CSMD1: variants seen among roughly 807,000 people sequenced by gnomAD.
CSMD1 encodes the protein CUB and sushi domain-containing protein 1.
In CSMD1, 213 loss-of-function variants were observed where a neutral mutation model predicts 417.5. That is an observed-to-expected ratio of 0.51 (90% CI 0.46 to 0.57). The LOEUF (loss-of-function observed/expected upper bound fraction) is 0.57. Ranked by LOEUF, CSMD1 falls within the 20% of genes least tolerant of loss-of-function variation. CSMD1 has a pLI of 0.00. For missense variants in CSMD1, 6,923 were observed against 4,529.7 expected (o/e 1.53, Z -15.17); for synonymous variants, 2,862 against 1,736.8 (o/e 1.65, Z -16.11).
intron 3 of CSMD1, among the ~76,000 whole-genome samples, chr8:4,180,533 T>G (rs527411838): frequency 3.6e-4 from 54 of 151,804 alleles, no homozygotes; most frequent in African/African-American, 1.2e-3. Flanking sequence ...CATATGTAAC[T>G]AACCTGCACA....
At chr8:4,066,232 CTTCT>C (rs777695705) in intron 3 of CSMD1, among the ~76,000 whole-genome samples, 2 of 152,216 alleles carry the variant, frequency 1.3e-5, no homozygotes, top group African/African-American at 4.8e-5. Context: ...CGCCTCCTTC[CTTCT>C]TTGTCTCCTG....
intron 23 of CSMD1, among the ~76,000 whole-genome samples, chr8:3,327,543 A>G (rs528140071): frequency 2.0e-5 from 3 of 152,314 alleles, no homozygotes; most frequent in South Asian, 2.1e-4. Context: ...TCTGTTAGAA[A>G]TCAACTTTTC....
Position 3,096,843 on chromosome 8 carries a change from A to C in CSMD1, c.7138+6T>G. The stretch of plus-strand genomic sequence containing the variant: ...TCACTGCTCTACAAAGATTAAAGAA[A>C]CTTACCATCAAACACTTCCAGTGCA... On this transcript the variant is annotated splice_donor_region_variant and intron_variant, in intron 47 of 69. Transcript: ENST00000635120. 2 of 1,538,434 alleles carry C rather than the reference A, an allele frequency of 1.3e-6. No homozygotes were observed. The highest frequency in any genetic ancestry group is 8.8e-7 in the Non-Finnish European group (1 of 1,138,218).
intron 3 of CSMD1, among the ~76,000 whole-genome samples, chr8:4,157,280 G>C (rs762113509): frequency 9.2e-5 from 14 of 152,180 alleles, no homozygotes; most frequent in Admixed American, 7.2e-4. Flanking sequence ...GACTAGTTTA[G>C]TGATGCAATT....
chr8:3,969,290 T>C (rs1812912421), intron 5 of CSMD1, among the ~76,000 whole-genome samples: 1 of 152,140 alleles, frequency 6.6e-6, no homozygotes, highest in Non-Finnish European at 1.5e-5. Context: ...CTGCAAAAGA[T>C]GAGGCTGGGT....
intron 2 of CSMD1, among the ~76,000 whole-genome samples, chr8:4,584,113 G>A (rs1799581591): frequency 6.6e-6 from 1 of 151,930 alleles, no homozygotes; most frequent in Non-Finnish European, 1.5e-5. Context: ...AAGAAACTCT[G>A]AACACATCCG....
intron 10 of CSMD1, among the ~76,000 whole-genome samples, chr8:3,512,368 A>T (rs1457771710): frequency 6.6e-6 from 1 of 152,160 alleles, no homozygotes; most frequent in East Asian, 1.9e-4. Flanking sequence ...TCAGCTCAGA[A>T]ATTCAAGATT....
At chr8:4,041,639 A>C (rs932054419) in intron 3 of CSMD1, among the ~76,000 whole-genome samples, 6 of 152,202 alleles carry the variant, frequency 3.9e-5, no homozygotes, top group African/African-American at 1.4e-4. Context: ...TATCCATAAG[A>C]AGAAGAAAAC....
intron 5 of CSMD1, among the ~76,000 whole-genome samples, chr8:3,763,555 C>G (rs1798121403): frequency 6.6e-6 from 1 of 152,158 alleles, no homozygotes; most frequent in South Asian, 2.1e-4. Context: ...TACCAGAAGC[C>G]AAGCAGGTGC....
chr8:4,325,439 G>A (rs1217325211), intron 3 of CSMD1, among the ~76,000 whole-genome samples: 1 of 152,116 alleles, frequency 6.6e-6, no homozygotes, highest in Non-Finnish European at 1.5e-5. Flanking sequence ...GGCAATACAT[G>A]GTATTTACTT....
chr8:4,743,033 T>C (rs1181393135), intron 1 of CSMD1, among the ~76,000 whole-genome samples: 1 of 152,240 alleles, frequency 6.6e-6, no homozygotes, highest in Non-Finnish European at 1.5e-5. Context: ...AGCTATTTTC[T>C]AAGTGTTTTT....
intron 26 of CSMD1, among the ~76,000 whole-genome samples, chr8:3,248,863 C>T (rs886597935): frequency 5.3e-5 from 8 of 152,026 alleles, no homozygotes; most frequent in Non-Finnish European, 1.2e-4. Context: ...ACCACATTTT[C>T]AAGACTGAGG....
At chr8:4,807,822 T>G (rs1779270602) in intron 1 of CSMD1, among the ~76,000 whole-genome samples, 2 of 152,146 alleles carry the variant, frequency 1.3e-5, no homozygotes, top group Non-Finnish European at 2.9e-5. Flanking sequence ...AGCCATAATA[T>G]TAATAATAAT....
At chr8:4,679,430 C>G (rs1805901042) in intron 1 of CSMD1, among the ~76,000 whole-genome samples, 1 of 152,114 alleles carries the variant, frequency 6.6e-6, no homozygotes, top group Non-Finnish European at 1.5e-5. Context: ...AGTAGTAATT[C>G]CGCCCTGTTT....
intron 11 of CSMD1, among the ~76,000 whole-genome samples, chr8:3,483,854 T>A (rs563529985): frequency 1.0e-3 from 158 of 152,284 alleles, no homozygotes; most frequent in Non-Finnish European, 1.8e-3. Context: ...AATCAATCAA[T>A]GTCATCCACC....
intron 5 of CSMD1, among the ~76,000 whole-genome samples, chr8:3,963,967 G>C (rs946394965): frequency 2.0e-5 from 3 of 152,194 alleles, no homozygotes; most frequent in Non-Finnish European, 4.4e-5. Context: ...TGGATTTAAA[G>C]GTATTAAGTC....
intron 7 of CSMD1, among the ~76,000 whole-genome samples, chr8:3,619,832 T>A (rs182770663): frequency 6.6e-6 from 1 of 152,228 alleles, no homozygotes; most frequent in Admixed American, 6.5e-5. Flanking sequence ...ATATATTCAA[T>A]AGAATTTGTA....
chr8:4,169,238 A>C (rs1797627326), intron 3 of CSMD1, among the ~76,000 whole-genome samples: 1 of 152,126 alleles, frequency 6.6e-6, no homozygotes, highest in Admixed American at 6.6e-5. Context: ...CAGTGTTCTC[A>C]ATACTGCACA....
chr8:4,402,645 T>C (rs1804719520), intron 3 of CSMD1, among the ~76,000 whole-genome samples: 1 of 152,102 alleles, frequency 6.6e-6, no homozygotes, highest in Non-Finnish European at 1.5e-5. Flanking sequence ...CTATCCCTCA[T>C]CACATTTTCA....
Sources: allele counts gnomAD v4.1 joint callset (sites outside exome capture counted in the v4.1 genomes callset), GRCh38; gene constraint gnomAD v4.1.1; transcripts MANE v1.5; gene names NCBI Gene and HGNC (gene_info 2026-07-23, HGNC 2026-07-21).